The following DPYD variants were observed in gnomAD, a reference collection of about 807,000 sequenced individuals.
DPYD encodes the protein dihydropyrimidine dehydrogenase.
In DPYD, 109 loss-of-function variants were observed where a neutral mutation model predicts 116.2. The ratio of observed to expected loss-of-function variants is 0.94; its 90% CI spans 0.80 to 1.10. The LOEUF (loss-of-function observed/expected upper bound fraction) is 1.10, where lower values mean the gene tolerates loss of function less well. Ranked by LOEUF, DPYD falls within the 50% of genes least tolerant of loss-of-function variation. DPYD has a pLI of 0.00. For missense variants in DPYD, 1,302 were observed against 1,254.5 expected, an observed-to-expected ratio of 1.04 and a Z score of -0.57; for synonymous variants, 440 against 432.0, an observed-to-expected ratio of 1.02 and a Z score of -0.23.
intron 20 of DPYD, among the ~76,000 whole-genome samples, chr1:97,157,039 T>G (rs548386459): frequency 6.4e-4 from 92 of 142,906 alleles, no homozygotes; most frequent in Middle Eastern, 3.7e-3. Flanking sequence ...ACACCGCATA[T>G]TCTCACTCAT....
intron 8 of DPYD, among the ~76,000 whole-genome samples, chr1:97,668,855 A>G (rs545865923): frequency 2.1e-4 from 32 of 152,240 alleles, no homozygotes; most frequent in African/African-American, 6.5e-4. Flanking sequence ...TTTTAAAAAA[A>G]GGAAAGAATA....
chr1:97,502,692 G>A (rs1679659480), intron 13 of DPYD, among the ~76,000 whole-genome samples: 1 of 151,936 alleles, frequency 6.6e-6, no homozygotes, highest in Non-Finnish European at 1.5e-5. Context: ...TGTGATGTGG[G>A]TGGTACCAGT....
chr1:97,450,530 AAAT>A (rs1445861124), intron 13 of DPYD, among the ~76,000 whole-genome samples: 1 of 152,142 alleles, frequency 6.6e-6, no homozygotes, highest in Non-Finnish European at 1.5e-5. Flanking sequence ...GTTTGCAATT[AAAT>A]AATAAAAATA....
intron 20 of DPYD, among the ~76,000 whole-genome samples, chr1:97,161,943 T>C (rs1655939262): frequency 6.6e-6 from 1 of 152,018 alleles, no homozygotes; most frequent in Admixed American, 6.6e-5. Context: ...GGTGTATATG[T>C]GCCACATTTT....
chr1:97,175,924 A>T (rs1657221745), intron 20 of DPYD, among the ~76,000 whole-genome samples: 5 of 152,208 alleles, frequency 3.3e-5, no homozygotes, highest in Admixed American at 3.3e-4. Context: ...GGCATTTCAC[A>T]GAAATAAGAT....
At chr1:97,798,957 C>T (rs1667720375) in intron 3 of DPYD, among the ~76,000 whole-genome samples, 1 of 151,980 alleles carries the variant, frequency 6.6e-6, no homozygotes, top group African/African-American at 2.4e-5. Context: ...ATGAGACTCC[C>T]ATCTTCAAAT....
At chr1:97,108,591 T>A (rs1363291422) in intron 20 of DPYD, among the ~76,000 whole-genome samples, 1 of 152,172 alleles carries the variant, frequency 6.6e-6, no homozygotes, top group Admixed American at 6.6e-5. Context: ...GTTTTAGACT[T>A]CATTAGTAAA....
intron 5 of DPYD, among the ~76,000 whole-genome samples, chr1:97,701,298 G>A (rs1222407532): frequency 1.3e-5 from 2 of 150,016 alleles, no homozygotes; most frequent in African/African-American, 4.9e-5. Flanking sequence ...GCAAGGAAAT[G>A]GTCAATCTTT....
chr1:97,792,231 T>A (rs2101275739), intron 3 of DPYD, among the ~76,000 whole-genome samples: 1 of 152,172 alleles, frequency 6.6e-6, no homozygotes, highest in South Asian at 2.1e-4. Flanking sequence ...GCCTTGCCCA[T>A]CTCCCAAAGA....
chr1:97,653,983 C>G (rs1336120521), intron 8 of DPYD, among the ~76,000 whole-genome samples: 1 of 152,074 alleles, frequency 6.6e-6, no homozygotes, highest in African/African-American at 2.4e-5. Context: ...TTGTATCTAG[C>G]AGTGATCAAT....
intron 14 of DPYD, among the ~76,000 whole-genome samples, chr1:97,393,286 A>G (rs916557950): frequency 2.8e-5 from 4 of 143,158 alleles, no homozygotes; most frequent in Non-Finnish European, 6.2e-5. Context: ...TAAATAGCCT[A>G]TTTTCTTTTT....
chr1:97,882,646 C>T (rs904625497), intron 2 of DPYD, among the ~76,000 whole-genome samples: 2 of 151,878 alleles, frequency 1.3e-5, no homozygotes, highest in African/African-American at 4.8e-5. Flanking sequence ...TACTTATATC[C>T]GATCTATGGT....
At chr1:97,234,327 T>C (rs1316282248) in intron 19 of DPYD, among the ~76,000 whole-genome samples, 1 of 152,180 alleles carries the variant, frequency 6.6e-6, no homozygotes, top group East Asian at 1.9e-4. Context: ...TCTCACAGCA[T>C]CCCTTTAAGA....
intron 10 of DPYD, among the ~76,000 whole-genome samples, chr1:97,586,808 ATTTTACCTCACCAAT>A (rs1304568599): frequency 6.6e-6 from 1 of 151,534 alleles, no homozygotes; most frequent in Non-Finnish European, 1.5e-5. Context: ...AATATGGTAG[ATTTTACCTCACCAAT>A]TGGCTGGGGA....
At chr1:97,397,949 T>C (rs1673107103) in intron 14 of DPYD, among the ~76,000 whole-genome samples, 1 of 151,906 alleles carries the variant, frequency 6.6e-6, no homozygotes, top group Non-Finnish European at 1.5e-5. Flanking sequence ...TGCTGTCTTT[T>C]TTTTTTTAAA....
chr1:97,763,585 T>G (rs1665695336), intron 3 of DPYD, among the ~76,000 whole-genome samples: 1 of 152,038 alleles, frequency 6.6e-6, no homozygotes, highest in African/African-American at 2.4e-5. Context: ...CAACATACTC[T>G]TGTTTCCTAG....
chr1:97,540,352 G>C (rs1215105573), intron 12 of DPYD, among the ~76,000 whole-genome samples: 1 of 146,758 alleles, frequency 6.8e-6, no homozygotes, highest in East Asian at 2.0e-4. Flanking sequence ...GGTGGCGGCG[G>C]GGCAGGGAAC....
At chr1:97,368,144 T>C (rs1231605098) in intron 16 of DPYD, among the ~76,000 whole-genome samples, 1 of 152,064 alleles carries the variant, frequency 6.6e-6, no homozygotes, top group Non-Finnish European at 1.5e-5. Context: ...GCCAGGGCAA[T>C]GCGTTGACTT....
At chr1:97,509,214 T>C (rs977769891) in intron 13 of DPYD, among the ~76,000 whole-genome samples, 5 of 152,020 alleles carry the variant, frequency 3.3e-5, no homozygotes, top group African/African-American at 1.2e-4. Context: ...TAAGGTTGTC[T>C]GATATGCAGC....
Sources: gnomAD v4.1 joint callset for allele counts (sites outside exome capture counted in the v4.1 genomes callset) on GRCh38, gnomAD v4.1.1 for gene constraint, MANE v1.5 for transcripts, NCBI Gene and HGNC (gene_info 2026-07-23, HGNC 2026-07-21) for gene names.